SEM1: variants seen among roughly 807,000 people sequenced by gnomAD.
SEM1 encodes SEM1 26S proteasome subunit.
In SEM1, 3 loss-of-function variants were observed where a neutral mutation model predicts 12.7. The observed-to-expected ratio is 0.24, with a 90% CI of 0.11 to 0.61. The LOEUF is 0.61. Ranked by LOEUF, SEM1 falls within the 20% of genes least tolerant of loss-of-function variation. The probability of loss-of-function intolerance (pLI) is 0.88; values close to 1 mark genes in which losing one functional copy is unlikely to be tolerated. For missense variants in SEM1, 59 were observed against 81.3 expected (o/e 0.73, Z 1.06); for synonymous variants, 30 against 27.8 (o/e 1.08, Z -0.25).
At chr7:96,638,504 T>C (rs1196042147) in intron 2 of SEM1, among the ~76,000 whole-genome samples, 1 of 152,110 alleles carries the variant, frequency 6.6e-6, no homozygotes, top group East Asian at 1.9e-4. Context: ...TCAGAAAATA[T>C]AGAAAAGGTC....
intron 2 of SEM1, among the ~76,000 whole-genome samples, chr7:96,544,703 A>G (rs1017265924): frequency 6.6e-6 from 1 of 152,042 alleles, no homozygotes; most frequent in African/African-American, 2.4e-5. Flanking sequence ...AATAACATAA[A>G]CACTTGATTA....
chr7:96,485,502 A>G (rs1802714940), intron 2 of SEM1, among the ~76,000 whole-genome samples: 1 of 149,238 alleles, frequency 6.7e-6, no homozygotes, highest in Admixed American at 6.7e-5. Flanking sequence ...GGGCCCACCT[A>G]AATAACCCAA....
chr7:96,699,928 A>ACC (rs68175873), intron 1 of SEM1, among the ~76,000 whole-genome samples: 2 of 68,366 alleles, frequency 2.9e-5, no homozygotes, highest in East Asian at 3.4e-3. Flanking sequence ...TCTCTCCCTT[A>ACC]ACTACTACTT....
At chr7:96,492,830 T>G (rs909590744) in intron 1 of SEM1, among the ~76,000 whole-genome samples, 1 of 151,864 alleles carries the variant, frequency 6.6e-6, no homozygotes, top group Admixed American at 6.6e-5. Context: ...CATCCTTCAA[T>G]GGACATTTTG....
intron 1 of SEM1, among the ~76,000 whole-genome samples, chr7:96,493,013 C>T (rs1247587892): frequency 6.6e-6 from 1 of 152,122 alleles, no homozygotes; most frequent in Non-Finnish European, 1.5e-5. Context: ...GCCACCCAGG[C>T]TGGAGTGTGG....
chr7:96,662,009 A>AT (rs35805988), intron 2 of SEM1, among the ~76,000 whole-genome samples: 33,678 of 140,188 alleles, frequency 0.24, 4,670 homozygotes, highest in African/African-American at 0.32. Context: ...AAAAAAAAAA[A>AT]AGTCAGCAAA....
At chr7:96,687,801 GA>G (rs1003884048), downstream of SEM1, 12 of 151,364 alleles carry the variant, frequency 7.9e-5, no homozygotes, top group Non-Finnish European at 1.0e-4. Context: ...TAAAAAAAAA[GA>G]AAAAAAGTAT....
chr7:96,540,010 A>G (rs962149467), intron 2 of SEM1, among the ~76,000 whole-genome samples: 8 of 150,594 alleles, frequency 5.3e-5, no homozygotes, highest in African/African-American at 1.9e-4. Context: ...TAAGAATTAT[A>G]AAAATAAGTT....
chr7:96,580,285 C>A (rs1806350479), intron 2 of SEM1, among the ~76,000 whole-genome samples: 1 of 148,016 alleles, frequency 6.8e-6, no homozygotes, highest in South Asian at 2.2e-4. Context: ...CATGTCCCTA[C>A]AAAGGACATG....
chr7:96,607,531 G>T (rs1032822595), intron 2 of SEM1, among the ~76,000 whole-genome samples: 7 of 152,168 alleles, frequency 4.6e-5, no homozygotes, highest in Non-Finnish European at 1.0e-4. Context: ...ACACATAAAA[G>T]AAGAAGTTCT....
intron 2 of SEM1, among the ~76,000 whole-genome samples, chr7:96,648,072 C>T (rs1020628761): frequency 2.6e-5 from 4 of 152,150 alleles, no homozygotes; most frequent in African/African-American, 9.7e-5. Context: ...GCTGCATCTT[C>T]GTTTTTAACC....
downstream of SEM1, among the ~76,000 whole-genome samples, chr7:96,670,261 A>G (rs1004712221): frequency 6.6e-6 from 1 of 152,234 alleles, no homozygotes; most frequent in African/African-American, 2.4e-5. Flanking sequence ...GATCAAATAT[A>G]ACATTTGATT....
chr7:96,551,733 A>C (rs1805283326), intron 2 of SEM1, among the ~76,000 whole-genome samples: 1 of 150,966 alleles, frequency 6.6e-6, no homozygotes, highest in Non-Finnish European at 1.5e-5. Context: ...AGAAAAGAAA[A>C]AAAAGAATTA....
intron 1 of SEM1, 61 bp downstream of exon 1, chr7:96,709,627 C>T: frequency 2.2e-5 from 34 of 1,542,902 alleles, no homozygotes; most frequent in Non-Finnish European, 3.0e-5. Context: ...ACCCAAGCTA[C>T]CTCCACACGG....
intron 2 of SEM1, among the ~76,000 whole-genome samples, chr7:96,519,821 G>A (rs1038460012): frequency 2.6e-5 from 4 of 152,106 alleles, no homozygotes; most frequent in African/African-American, 9.7e-5. Context: ...GGGTTATTCC[G>A]AGAGTTTTAG....
At chr7:96,518,842 T>G (rs1026182857) in intron 2 of SEM1, among the ~76,000 whole-genome samples, 1 of 152,202 alleles carries the variant, frequency 6.6e-6, no homozygotes, top group Non-Finnish European at 1.5e-5. Flanking sequence ...AAGCTAATAC[T>G]GTACATGCAA....
chr7:96,586,927 C>G (rs1336894508), intron 2 of SEM1, among the ~76,000 whole-genome samples: 1 of 152,138 alleles, frequency 6.6e-6, no homozygotes, highest in Non-Finnish European at 1.5e-5. Flanking sequence ...AATCACTTTG[C>G]TATACTGCCC....
intron 1 of SEM1, among the ~76,000 whole-genome samples, chr7:96,700,650 C>T (rs890138011): frequency 2.6e-5 from 4 of 152,212 alleles, no homozygotes; most frequent in African/African-American, 7.2e-5. Context: ...CGCAGTTCAT[C>T]ACATCTTTCA....
Position 96,583,925 on chromosome 7 carries a change from G to A in SEM1, c.171-77227C>T, listed in dbSNP as rs558945740. Among the ~76,000 whole-genome samples, 102 of 151,542 alleles carry A rather than the reference G, an allele frequency of 6.7e-4. 3 individuals are homozygous for A. The highest frequency in any genetic ancestry group is 5.9e-3 in the Admixed American group (89 of 15,024). Reference sequence around the variant, plus strand: ...CTGATGGGTCTTGACTCTTTATCCAGTTTGCCAGTCTGTGTCTTTTAATTG... The same window carrying A: ...CTGATGGGTCTTGACTCTTTATCCAATTTGCCAGTCTGTGTCTTTTAATTG... On this transcript the variant is annotated intron_variant and NMD_transcript_variant, in intron 2 of 3. Transcript: ENST00000466986.
Sources: gnomAD v4.1 joint callset for allele counts (sites outside exome capture counted in the v4.1 genomes callset) on GRCh38, gnomAD v4.1.1 for gene constraint, MANE v1.5 for transcripts, NCBI Gene and HGNC (gene_info 2026-07-23, HGNC 2026-07-21) for gene names.